The following PCSK6 variants were observed in gnomAD, a reference collection of about 807,000 sequenced individuals.
The protein encoded by PCSK6 is proprotein convertase subtilisin/kexin type 6.
Under a neutral mutation model 123.3 loss-of-function variants are expected in PCSK6, and 85 were observed. That is an observed-to-expected ratio of 0.69 (90% CI 0.58 to 0.83). The LOEUF (loss-of-function observed/expected upper bound fraction) is 0.83. Ranked by LOEUF, PCSK6 falls within the 40% of genes least tolerant of loss-of-function variation. PCSK6 has a pLI of 0.00. For synonymous variants in PCSK6, 508 were observed against 516.0 expected (o/e 0.98, Z 0.21); for missense variants, 1,191 against 1,282.3 (o/e 0.93, Z 1.09).
chr15:101,397,044 G>T (rs1433088732), intron 7 of PCSK6, among the ~76,000 whole-genome samples: 1 of 152,126 alleles, frequency 6.6e-6, no homozygotes, highest in Admixed American at 6.5e-5. Context: ...TTCGGAGGAG[G>T]TGCAGGCAGG....
At chr15:101,450,167 G>A (rs1405266751) in intron 1 of PCSK6, among the ~76,000 whole-genome samples, 1 of 151,906 alleles carries the variant, frequency 6.6e-6, no homozygotes, top group African/African-American at 2.4e-5. Context: ...AGTGCAGGCA[G>A]CCCCACCCCT....
intron 2 of PCSK6, 83 bp from the exon 3 acceptor site, chr15:101,432,183 C>T (rs2056467785): frequency 2.7e-6 from 3 of 1,103,142 alleles, no homozygotes; most frequent in South Asian, 2.7e-5. Context: ...CTACAGCCTT[C>T]CTTGTGCGTG....
intron 6 of PCSK6, among the ~76,000 whole-genome samples, chr15:101,413,106 G>C (rs1328168063): frequency 6.6e-6 from 1 of 152,008 alleles, no homozygotes; most frequent in Non-Finnish European, 1.5e-5. Context: ...CTCCAAATTT[G>C]GCAAGAGATA....
chr15:101,482,991 C>T (rs2057928107), intron 1 of PCSK6, among the ~76,000 whole-genome samples: 1 of 152,206 alleles, frequency 6.6e-6, no homozygotes, highest in Admixed American at 6.5e-5. Context: ...CATCACCATC[C>T]GGGTGAAGAC....
intron 1 of PCSK6, among the ~76,000 whole-genome samples, chr15:101,459,423 C>T (rs189771543): frequency 2.6e-5 from 4 of 151,940 alleles, no homozygotes; most frequent in Non-Finnish European, 5.9e-5. Flanking sequence ...GCTTGCTCCG[C>T]GTCTCCTCTC....
At chr15:101,388,545 T>A (rs1596273529) in intron 9 of PCSK6, among the ~76,000 whole-genome samples, 1 of 152,170 alleles carries the variant, frequency 6.6e-6, no homozygotes, top group African/African-American at 2.4e-5. Flanking sequence ...AATTTATAAA[T>A]GAAAGTTCCT....
At chr15:101,481,472 A>C (rs556090714) in intron 1 of PCSK6, among the ~76,000 whole-genome samples, 7 of 152,314 alleles carry the variant, frequency 4.6e-5, no homozygotes, top group Non-Finnish European at 1.0e-4. Context: ...GCCTGAAAGG[A>C]AGCAAAAGCA....
At chr15:101,361,325 T>C (rs1267951391) in intron 13 of PCSK6, among the ~76,000 whole-genome samples, 1 of 149,448 alleles carries the variant, frequency 6.7e-6, no homozygotes, top group Admixed American at 6.7e-5. Flanking sequence ...TAAGACATAA[T>C]CCATCACCCC....
At position 101,341,088 on chromosome 15, in the gene PCSK6, C is replaced by T. The variant is rs1211129289; in HGVS notation, c.1859-9057G>A. Among the ~76,000 whole-genome samples, 3 of 149,776 alleles carry T rather than the reference C, an allele frequency of 2.0e-5. No homozygotes were observed. The Admixed American group carries it at 2.0e-4, about 10-fold the overall frequency. On this transcript the variant is annotated intron_variant, in intron 13 of 21. Coordinates refer to ENST00000611716, the MANE Select transcript of PCSK6 (RefSeq NM_002570.5). ...GTAGCTGGGATTACAGATGCCACCA[C>T]CACACCCAGCTAAATTTTGTATTTT... is the stretch of plus-strand genomic sequence containing the variant.
intron 1 of PCSK6, among the ~76,000 whole-genome samples, chr15:101,467,462 AG>A (rs1333157077): frequency 1.3e-5 from 2 of 151,974 alleles, no homozygotes; most frequent in Non-Finnish European, 2.9e-5. Context: ...TAGTAGAGAC[AG>A]GGTTTCACCA....
chr15:101,339,138 G>A (rs2040545825), intron 13 of PCSK6, among the ~76,000 whole-genome samples: 1 of 152,170 alleles, frequency 6.6e-6, no homozygotes, highest in Non-Finnish European at 1.5e-5. Flanking sequence ...ATTTACAATT[G>A]GAGACAAAGC....
intron 9 of PCSK6, among the ~76,000 whole-genome samples, 151 bp downstream of exon 9, chr15:101,389,312 GA>G (rs1222429449): frequency 6.6e-6 from 1 of 152,270 alleles, no homozygotes; most frequent in Non-Finnish European, 1.5e-5. Flanking sequence ...GAAGCTCTGG[GA>G]GAGGGATGGT....
intron 20 of PCSK6, among the ~76,000 whole-genome samples, chr15:101,312,763 C>T (rs148125393): frequency 0.022 from 3,310 of 152,142 alleles, 111 homozygotes; most frequent in African/African-American, 0.071. Flanking sequence ...ATCTGGGAGG[C>T]GGAGCTTGCA....
chr15:101,437,151 C>G (rs1237518398), intron 2 of PCSK6, among the ~76,000 whole-genome samples: 5 of 152,216 alleles, frequency 3.3e-5, no homozygotes, highest in Non-Finnish European at 7.3e-5. Flanking sequence ...TGGCTAAGAA[C>G]CACTGAACCA....
At chr15:101,481,691 C>T (rs1359973212) in intron 1 of PCSK6, among the ~76,000 whole-genome samples, 3 of 152,138 alleles carry the variant, frequency 2.0e-5, no homozygotes, top group Non-Finnish European at 2.9e-5. Context: ...CGATGGTGAC[C>T]TCTAGGCCTC....
intron 6 of PCSK6, among the ~76,000 whole-genome samples, chr15:101,399,657 A>C (rs899724747): frequency 3.3e-5 from 5 of 152,206 alleles, no homozygotes; most frequent in African/African-American, 1.2e-4. Context: ...CATCTGAGAA[A>C]AACCTGGCAT....
At chr15:101,333,615 CCTGT>C (rs1385862039) in intron 13 of PCSK6, among the ~76,000 whole-genome samples, 1 of 152,260 alleles carries the variant, frequency 6.6e-6, no homozygotes, top group African/African-American at 2.4e-5. Flanking sequence ...TAAATGGCAG[CCTGT>C]CTGTCTTTAC....
chr15:101,339,826 G>A (rs756822978), intron 13 of PCSK6, among the ~76,000 whole-genome samples: 10 of 152,012 alleles, frequency 6.6e-5, no homozygotes, highest in Non-Finnish European at 1.2e-4. Flanking sequence ...TGGGAGGATT[G>A]CTAGAGCCCA....
chr15:101,374,151 G>C (rs1304307191), intron 11 of PCSK6, among the ~76,000 whole-genome samples: 1 of 152,056 alleles, frequency 6.6e-6, no homozygotes, highest in African/African-American at 2.4e-5. Context: ...AATTACTCTG[G>C]TACTTCAGAT....
Sources: allele counts gnomAD v4.1 joint callset (sites outside exome capture counted in the v4.1 genomes callset), GRCh38; gene constraint gnomAD v4.1.1; transcripts MANE v1.5; gene names NCBI Gene and HGNC (gene_info 2026-07-23, HGNC 2026-07-21).